Variants in CDK12 observed in about 807,000 individuals in gnomAD.
The protein encoded by CDK12 is cyclin dependent kinase 12.
A neutral mutation model predicts 133.8 loss-of-function variants in CDK12; 17 were observed. That is an observed-to-expected ratio of 0.13 (90% CI 0.09 to 0.19). The LOEUF is 0.19. Among genes scored for constraint, CDK12 ranks in the 10% least tolerant of loss-of-function variants. The probability of loss-of-function intolerance (pLI) is 1.00; values close to 1 mark genes in which losing one functional copy is unlikely to be tolerated. For missense variants in CDK12, 1,508 were observed against 1,818.7 expected (o/e 0.83, Z 3.11); for synonymous variants, 694 against 683.6 (o/e 1.02, Z -0.24).
chr17:39,514,050 A>G (rs2053647716), intron 8 of CDK12, among the ~76,000 whole-genome samples: 1 of 152,144 alleles, frequency 6.6e-6, no homozygotes, highest in African/African-American at 2.4e-5. Flanking sequence ...TGAAAACAGA[A>G]TTAAATTTTA....
intron 6 of CDK12, among the ~76,000 whole-genome samples, chr17:39,508,438 T>C (rs2053272379): frequency 6.6e-6 from 1 of 152,118 alleles, no homozygotes; most frequent in South Asian, 2.1e-4. Context: ...AGTTGTTGGG[T>C]TTTGCATTGC....
chr17:39,558,939 C>T (rs1003256516), intron 3 of CDK12, among the ~76,000 whole-genome samples: 2 of 152,164 alleles, frequency 1.3e-5, no homozygotes, highest in Admixed American at 6.6e-5. Flanking sequence ...CCACTGCGCC[C>T]GGCCTTCATG....
At chr17:39,564,817 A>G (rs1283758488) in exon 4 of CDK12, 1 of 152,282 alleles carries the variant, frequency 6.6e-6, no homozygotes, top group African/African-American at 2.4e-5. Context: ...AGAAGGTTAC[A>G]ACTGAGGAAG....
chr17:39,544,646 T>G (rs2055590067), upstream of CDK12, among the ~76,000 whole-genome samples: 1 of 146,064 alleles, frequency 6.8e-6, no homozygotes, highest in South Asian at 2.2e-4. Flanking sequence ...TTTTTTTTTT[T>G]TTTATGGAGT....
rs887590343 is a variant in CDK12 at position 39,487,607 on chromosome 17, ATTTTTTTTTT to A, written c.1932-2932_1932-2923del. ...TTTTTCTGAGGATGTGCATGACACA[ATTTTTTTTTT>A]TTTTTTTTTTTTTTTTTGAGATAAA... On this transcript the variant is annotated intron_variant, in intron 2 of 13. Coordinates refer to ENST00000447079, the MANE Select transcript of CDK12 (RefSeq NM_016507.4). 4.9e-4 allele frequency among the ~76,000 whole-genome samples: 47 copies of A among 96,364 alleles called. No homozygotes were observed. In the East Asian group the frequency reaches 6.5e-3, roughly 13 times the overall value. 63.2% of individuals were successfully genotyped at this position (96,364 alleles called of 152,430 possible).
At chr17:39,516,589 C>T (rs1203134449) in intron 9 of CDK12, among the ~76,000 whole-genome samples, 3 of 150,940 alleles carry the variant, frequency 2.0e-5, no homozygotes, top group East Asian at 1.9e-4. Context: ...TGGGCTCAAA[C>T]AGTCCTCCCA....
intron 2 of CDK12, among the ~76,000 whole-genome samples, chr17:39,486,508 C>G (rs575350870): frequency 6.6e-6 from 1 of 152,052 alleles, no homozygotes; most frequent in African/African-American, 2.4e-5. Flanking sequence ...CTCAAGCAAT[C>G]TTCCTGCCTT....
chr17:39,471,490 C>G lies in CDK12; in HGVS notation c.1658C>G (p.Pro553Arg). 1.2e-6 allele frequency: 2 copies of G among 1,613,842 alleles called. No homozygotes were observed. Among genetic ancestry groups the G allele is most frequent in the East Asian group, 2.2e-5 (1 of 44,872 alleles). ...TPPPQTPPLP[P>R]LPPIPALPQQ... is the part of the protein sequence containing the mutation. ...CCACCTCAGACACCCCCTTTGCCAC[C>G]TTTGCCTCCAATACCAGCTCTTCCA... Residue 553 changes from proline (P) to arginine (R), a missense_variant, in exon 2 of 14, where the codon CCT (proline) becomes CGT (arginine). Coordinates refer to ENST00000447079, the MANE Select transcript of CDK12 (RefSeq NM_016507.4).
At chr17:39,468,233 C>T (rs934113625) in intron 1 of CDK12, among the ~76,000 whole-genome samples, 1 of 152,086 alleles carries the variant, frequency 6.6e-6, no homozygotes, top group Non-Finnish European at 1.5e-5. Flanking sequence ...CTTTTGGAAG[C>T]AAACTTGCAA....
At chr17:39,539,320 T>C (rs1039015936), downstream of CDK12, among the ~76,000 whole-genome samples, 1 of 152,242 alleles carries the variant, frequency 6.6e-6, no homozygotes, top group African/African-American at 2.4e-5. Flanking sequence ...AGTATTTATC[T>C]ACCATGAATG....
At chr17:39,464,281 CA>C (rs1183939533) in intron 1 of CDK12, among the ~76,000 whole-genome samples, 2 of 151,674 alleles carry the variant, frequency 1.3e-5, no homozygotes, top group African/African-American at 2.4e-5. Context: ...AGTGCAGTGG[CA>C]TCATCTTGGC....
intron 7 of CDK12, among the ~76,000 whole-genome samples, chr17:39,511,183 C>A (rs1231962440): frequency 6.9e-6 from 1 of 145,178 alleles, no homozygotes; most frequent in African/African-American, 2.6e-5. Flanking sequence ...CCACTGCACT[C>A]CAGCCTGAGG....
At chr17:39,484,542 A>G (rs2050967360) in intron 2 of CDK12, among the ~76,000 whole-genome samples, 1 of 152,136 alleles carries the variant, frequency 6.6e-6, no homozygotes, top group South Asian at 2.1e-4. Context: ...TTAAATTTTC[A>G]AGGTTTTTAG....
In CDK12 at chr17:39,470,935, C is replaced by T. The variant is rs2049745971; in HGVS notation, c.1103C>T (p.Ser368Phe). 6.2e-7 allele frequency: 1 copy of T among 1,613,246 alleles called. No individual in the cohort carries two copies. The highest frequency in any genetic ancestry group is 8.5e-7 in the Non-Finnish European group (1 of 1,179,800). Residue 368 changes from serine (S) to phenylalanine (F), a missense_variant, in exon 2 of 14, where the codon TCT (serine) becomes TTT (phenylalanine). Physicochemically the swap from Ser to Phe is radical, Grantham distance 155 (BLOSUM62 -2). Around this residue, in one of 9 missense-constraint regions of CDK12, gnomAD observed 460 missense variants for 490.8 expected, o/e 0.94. Transcript: ENST00000447079. The stretch of plus-strand genomic sequence containing the variant: ...CCTGCATATTCAAGACATTCATCTT[C>T]TCATAGTAAAAAGAAGAGATCCAGT... Reference protein sequence around the residue: ...RSPAYSRHSSSHSKKKRSSSR... With the variant: ...RSPAYSRHSSFHSKKKRSSSR...
At chr17:39,541,855 A>G (rs1257964587) in intron 1 of CDK12, among the ~76,000 whole-genome samples, 1 of 152,250 alleles carries the variant, frequency 6.6e-6, no homozygotes, top group African/African-American at 2.4e-5. Context: ...TGCCAGGGCT[A>G]GGAAAGAGGT....
chr17:39,474,484 A>C (rs886150460), intron 2 of CDK12, among the ~76,000 whole-genome samples: 2 of 151,926 alleles, frequency 1.3e-5, no homozygotes, highest in Admixed American at 1.3e-4. Context: ...ACACCCGGCT[A>C]ATTTATTTTT....
intron 3 of CDK12, among the ~76,000 whole-genome samples, chr17:39,560,594 C>T (rs910805358): frequency 6.6e-6 from 1 of 152,222 alleles, no homozygotes; most frequent in South Asian, 2.1e-4. Flanking sequence ...GGCCTTTCTA[C>T]ACTTCACTAA....
chr17:39,494,166 C>A (rs932724494), intron 4 of CDK12, among the ~76,000 whole-genome samples: 1 of 152,018 alleles, frequency 6.6e-6, no homozygotes, highest in African/African-American at 2.4e-5. Context: ...CTCTGCCTCC[C>A]GGGTTCAAGC....
At chr17:39,486,366 A>C (rs1247387074) in intron 2 of CDK12, among the ~76,000 whole-genome samples, 1 of 150,722 alleles carries the variant, frequency 6.6e-6, no homozygotes, top group African/African-American at 2.4e-5. Context: ...CCCTGGCTCA[A>C]GTGATCCTCT....
Sources: allele counts gnomAD v4.1 joint callset (sites outside exome capture counted in the v4.1 genomes callset), GRCh38; gene constraint gnomAD v4.1.1; regional missense constraint gnomAD v4.1.1; transcripts MANE v1.5; gene names NCBI Gene and HGNC (gene_info 2026-07-23, HGNC 2026-07-21).